The following ZNF618 variants were observed in gnomAD, a reference collection of about 807,000 sequenced individuals.
The protein encoded by ZNF618 is zinc finger protein 618.
In ZNF618, 34 loss-of-function variants were observed where a neutral mutation model predicts 103.0. The ratio of observed to expected loss-of-function variants is 0.33; its 90% CI spans 0.25 to 0.44. The LOEUF is 0.44. Among genes scored for constraint, ZNF618 ranks in the 20% least tolerant of loss-of-function variants. The pLI is 1.00. For synonymous variants in ZNF618, 551 were observed against 542.2 expected (o/e 1.02, Z -0.23); for missense variants, 1,059 against 1,295.4 (o/e 0.82, Z 2.80).
At chr9:113,911,756 G>T (rs180697100) in intron 1 of ZNF618, among the ~76,000 whole-genome samples, 1 of 152,274 alleles carries the variant, frequency 6.6e-6, no homozygotes, top group East Asian at 1.9e-4. Context: ...TTTGACTGCG[G>T]GTATTCCATG....
At chr9:113,991,966 C>G (rs1403439558) in intron 3 of ZNF618, among the ~76,000 whole-genome samples, 1 of 152,220 alleles carries the variant, frequency 6.6e-6, no homozygotes, top group African/African-American at 2.4e-5. Flanking sequence ...TCAGGCTTTT[C>G]TGCCTAGGGA....
At chr9:113,900,055 A>ATTTTTATT (rs1318006270) in intron 1 of ZNF618, among the ~76,000 whole-genome samples, 1 of 151,770 alleles carries the variant, frequency 6.6e-6, no homozygotes, top group African/African-American at 2.4e-5. Flanking sequence ...TGCCATTTCT[A>ATTTTTATT]TTTTTATTTT....
chr9:113,997,314 G>T (rs950795778), intron 3 of ZNF618, among the ~76,000 whole-genome samples: 4 of 152,010 alleles, frequency 2.6e-5, no homozygotes, highest in African/African-American at 9.7e-5. Flanking sequence ...TTGCTGTGTT[G>T]CCCAGGCTGG....
intron 10 of ZNF618, among the ~76,000 whole-genome samples, chr9:114,024,395 T>A (rs866282982): frequency 2.0e-5 from 3 of 152,394 alleles, no homozygotes; most frequent in Middle Eastern, 6.8e-3. Context: ...CTGTGTTGCC[T>A]GGAAAATAAT....
intron 1 of ZNF618, among the ~76,000 whole-genome samples, chr9:113,914,112 A>G (rs1831830699): frequency 6.6e-6 from 1 of 152,090 alleles, no homozygotes; most frequent in Non-Finnish European, 1.5e-5. Context: ...TGGCTAATAT[A>G]AGGAGACATG....
rs1588368218 is a variant in ZNF618 at position 114,020,816 on chromosome 9, G to A, written c.844+4032G>A. Among the ~76,000 whole-genome samples, 4 of 151,570 alleles carry A rather than the reference G, an allele frequency of 2.6e-5. No individual in the cohort carries two copies. In the South Asian group the frequency reaches 8.3e-4, roughly 32 times the overall value. On this transcript the variant is annotated intron_variant, in intron 10 of 14. Transcript: ENST00000374126. The stretch of plus-strand genomic sequence containing the variant: ...TTTTCTTCCTCACTATTCTGGTTAG[G>A]TCCCTCCAGTACAATGTTGAATAGA...
chr9:114,017,593 C>G (rs930684730), intron 10 of ZNF618, among the ~76,000 whole-genome samples: 6 of 152,168 alleles, frequency 3.9e-5, no homozygotes, highest in South Asian at 2.1e-4. Flanking sequence ...AGGGGTGGGG[C>G]TTGTGCAGTC....
intron 1 of ZNF618, among the ~76,000 whole-genome samples, chr9:113,958,827 C>A (rs1483758787): frequency 1.3e-5 from 2 of 152,192 alleles, no homozygotes; most frequent in Non-Finnish European, 2.9e-5. Flanking sequence ...CATCTACCCC[C>A]AACTGGTCTT....
At chr9:113,908,621 C>T (rs969459638) in intron 1 of ZNF618, among the ~76,000 whole-genome samples, 11 of 152,148 alleles carry the variant, frequency 7.2e-5, no homozygotes, top group African/African-American at 2.2e-4. Flanking sequence ...AAGTCAGCCC[C>T]GAGGCAGCAG....
chr9:113,998,663 C>T (rs1840867539), intron 4 of ZNF618, among the ~76,000 whole-genome samples: 4 of 152,204 alleles, frequency 2.6e-5, no homozygotes, highest in Admixed American at 2.6e-4. Flanking sequence ...AAAAGGGTTC[C>T]AAGCCAAATG....
intron 5 of ZNF618, 79 bp downstream of exon 5, chr9:114,002,152 G>T: frequency 7.4e-7 from 1 of 1,346,164 alleles, no homozygotes; most frequent in South Asian, 1.2e-5. Flanking sequence ...GGCCCCTCGT[G>T]GGTGACCCCA....
At chr9:113,966,070 TC>T (rs978384396) in intron 1 of ZNF618, among the ~76,000 whole-genome samples, 5 of 152,212 alleles carry the variant, frequency 3.3e-5, no homozygotes, top group African/African-American at 1.2e-4. Flanking sequence ...TGCCTCAGTT[TC>T]CTAGACCCAA....
In ZNF618 at chr9:113,966,622, C is replaced by T. The variant is rs758064413; in HGVS notation, c.34-2495C>T. ...CCAACACAGTGGACTTTGGCTCTGT[C>T]GTCATGGTGTAGCTGGACTCGGCCA... On this transcript the variant is annotated intron_variant, in intron 1 of 14. Coordinates refer to ENST00000374126, the MANE Select transcript of ZNF618 (RefSeq NM_001318042.2). 3.9e-5 allele frequency among the ~76,000 whole-genome samples: 6 copies of T among 152,272 alleles called. No homozygotes were observed. In the South Asian group the frequency reaches 1.0e-3, roughly 26 times the overall value.
intron 2 of ZNF618, among the ~76,000 whole-genome samples, chr9:113,984,635 G>T (rs1003464324): frequency 6.6e-6 from 1 of 152,136 alleles, no homozygotes; most frequent in Non-Finnish European, 1.5e-5. Context: ...TTGAGGCCTC[G>T]GGCTGAGTTT....
Position 113,933,726 on chromosome 9 carries a change from G to A in ZNF618, c.34-35391G>A, listed in dbSNP as rs529859755. Among the ~76,000 whole-genome samples the A allele has an allele frequency of 4.6e-5, 7 of 152,344 alleles. No homozygotes were observed. The South Asian group carries it at 1.2e-3, about 27-fold the overall frequency. On this transcript the variant is annotated intron_variant, in intron 1 of 14. Coordinates refer to ENST00000374126, the MANE Select transcript of ZNF618 (RefSeq NM_001318042.2). ...TCTTCCAGTGTGGGGTAGGCAAGGAGTTGACTTGGGGTTTTGCCAGAGAAT... is the reference window on the plus strand; with the variant it reads ...TCTTCCAGTGTGGGGTAGGCAAGGAATTGACTTGGGGTTTTGCCAGAGAAT...
rs189419014 is a variant in ZNF618, at chr9:113,902,398, G to C, written c.33+25985G>C. Among the ~76,000 whole-genome samples the C allele has an allele frequency of 9.9e-5, 15 of 152,078 alleles. No homozygotes were observed. The East Asian group carries it at 2.9e-3, about 29-fold the overall frequency. ...CACAAGTTAATTTTGCTCAGTTTAG[G>C]GTGTGTGGCTATCTTTGCTTGTGTA... On this transcript the variant is annotated intron_variant, in intron 1 of 14. Coordinates refer to ENST00000374126, the MANE Select transcript of ZNF618 (RefSeq NM_001318042.2).
intron 4 of ZNF618, among the ~76,000 whole-genome samples, chr9:113,999,227 G>T (rs1356213469): frequency 6.6e-6 from 1 of 151,382 alleles, no homozygotes; most frequent in Non-Finnish European, 1.5e-5. Context: ...TAGGCTGTGC[G>T]AGGGGCAGGC....
intron 1 of ZNF618, among the ~76,000 whole-genome samples, chr9:113,883,985 C>CCG (rs1828788562): frequency 1.2e-4 from 1 of 8,220 alleles, no homozygotes; most frequent in African/African-American, 2.8e-4. Context: ...GGGCTTGGCC[C>CCG]CCCCCCCCCC....
chr9:113,990,900 C>T (rs1839998013), intron 3 of ZNF618, among the ~76,000 whole-genome samples: 1 of 152,148 alleles, frequency 6.6e-6, no homozygotes, highest in South Asian at 2.1e-4. Flanking sequence ...GTATTCACTC[C>T]CTGAGGCCAG....
Sources: allele counts gnomAD v4.1 joint callset (sites outside exome capture counted in the v4.1 genomes callset), GRCh38; gene constraint gnomAD v4.1.1; transcripts MANE v1.5; gene names NCBI Gene and HGNC (gene_info 2026-07-23, HGNC 2026-07-21).